Variants in CCDC171 observed in about 807,000 individuals in gnomAD.
The protein encoded by CCDC171 is coiled-coil domain-containing protein 171.
A neutral mutation model predicts 168.2 loss-of-function variants in CCDC171; 177 were observed. That is an observed-to-expected ratio of 1.05 (90% CI 0.93 to 1.19). The LOEUF (loss-of-function observed/expected upper bound fraction) is 1.19, where lower values mean the gene tolerates loss of function less well. Ranked by LOEUF, CCDC171 falls within the 50% of genes most tolerant of loss-of-function variation. The pLI is 0.00. For synonymous variants in CCDC171, 687 were observed against 540.8 expected (o/e 1.27, Z -3.75); for missense variants, 1,991 against 1,539.0 (o/e 1.29, Z -4.91).
At chr9:15,667,513 G>A (rs998663498) in intron 9 of CCDC171, among the ~76,000 whole-genome samples, 2 of 152,102 alleles carry the variant, frequency 1.3e-5, no homozygotes, top group African/African-American at 4.8e-5. Flanking sequence ...AGGTGTGGTG[G>A]CGGGCACCTG....
rs140500367 is a variant in CCDC171 at position 15,571,639 on chromosome 9, A to T, written c.57A>T (p.Ser19=). The change falls in exon 3 of 26, where the codon TCA becomes TCT. Residue 19 remains serine (S), a synonymous_variant. Transcript: ENST00000380701. ...TGDTQRLKIA[S]LDVKQILKNE... ...CATTTTAAAGGTTGAAGATTGCCTCATTGGATGTAAAACAAATACTTAAAA... is the reference window on the plus strand; with the variant it reads ...CATTTTAAAGGTTGAAGATTGCCTCTTTGGATGTAAAACAAATACTTAAAA... 1 of 1,560,606 alleles carries T rather than the reference A, an allele frequency of 6.4e-7. No homozygotes were observed. The highest frequency in any genetic ancestry group is 1.4e-5 in the African/African-American group (1 of 71,318).
At chr9:16,079,185 A>G in the CCDC171 span, among the ~76,000 whole-genome samples, 1 of 152,222 alleles carries the variant, frequency 6.6e-6, no homozygotes, top group Admixed American at 6.5e-5. Context: ...TTGTAGGACT[A>G]CAACCAGCAA....
chr9:15,678,669 T>C (rs987353513), intron 9 of CCDC171, 89 bp from the exon 10 acceptor site: 19 of 1,035,066 alleles, frequency 1.8e-5, no homozygotes, highest in Non-Finnish European at 2.5e-5. Context: ...ACATGATATG[T>C]AGTACATCTG....
At chr9:15,563,097 G>A (rs2039446262) in intron 1 of CCDC171, among the ~76,000 whole-genome samples, 1 of 150,808 alleles carries the variant, frequency 6.6e-6, no homozygotes, top group African/African-American at 2.4e-5. Context: ...GTTATGAATT[G>A]GAATCTTGGT....
At chr9:15,678,985 G>C in intron 10 of CCDC171, 89 bp downstream of exon 10, 3 of 991,802 alleles carry the variant, frequency 3.0e-6, no homozygotes, top group South Asian at 1.7e-5. Context: ...CATTCCATGA[G>C]ATAATAGTAT....
At chr9:15,581,331 A>C (rs175762) in intron 4 of CCDC171, among the ~76,000 whole-genome samples, 2 of 152,140 alleles carry the variant, frequency 1.3e-5, no homozygotes, top group Non-Finnish European at 2.9e-5. Flanking sequence ...GGAAGAATCA[A>C]TATTGTGAAA....
intron 4 of CCDC171, among the ~76,000 whole-genome samples, chr9:15,586,701 C>A (rs1210297934): frequency 6.6e-6 from 1 of 152,070 alleles, no homozygotes; most frequent in African/African-American, 2.4e-5. Flanking sequence ...AGGTTTAATC[C>A]CTGGAGATGG....
chr9:16,079,250 G>A, the CCDC171 span, among the ~76,000 whole-genome samples: 1 of 152,210 alleles, frequency 6.6e-6, no homozygotes, highest in African/African-American at 2.4e-5. Context: ...GTGGCCTGGT[G>A]TTACGGTTTG....
chr9:15,697,449 T>C (rs1471609563), intron 11 of CCDC171, among the ~76,000 whole-genome samples: 1 of 152,218 alleles, frequency 6.6e-6, no homozygotes, highest in Admixed American at 6.5e-5. Context: ...TTAATTTACA[T>C]CCTGATTGAT....
intron 21 of CCDC171, among the ~76,000 whole-genome samples, chr9:15,815,126 A>G (rs1057296479): frequency 2.0e-5 from 3 of 151,998 alleles, no homozygotes; most frequent in African/African-American, 7.2e-5. Context: ...CCTTTTCATC[A>G]TTGTTTTGTG....
intron 6 of CCDC171, among the ~76,000 whole-genome samples, chr9:16,033,252 C>T (rs1833396292): frequency 6.6e-6 from 1 of 152,190 alleles, no homozygotes. Context: ...AACCCCTGGG[C>T]CATAAACTGG....
At chr9:15,891,026 A>T (rs995819480) in intron 24 of CCDC171, among the ~76,000 whole-genome samples, 2 of 152,130 alleles carry the variant, frequency 1.3e-5, no homozygotes, top group Non-Finnish European at 2.9e-5. Flanking sequence ...AGGTATATTG[A>T]AAATTGTTCA....
intron 1 of CCDC171, among the ~76,000 whole-genome samples, chr9:15,558,074 C>T (rs1293798041): frequency 6.6e-6 from 1 of 152,152 alleles, no homozygotes; most frequent in East Asian, 1.9e-4. Context: ...AGCCTTCCAT[C>T]CCAGGGATGA....
At chr9:15,784,261 T>A (rs1017302307) in intron 20 of CCDC171, among the ~76,000 whole-genome samples, 2 of 152,214 alleles carry the variant, frequency 1.3e-5, no homozygotes, top group Admixed American at 6.5e-5. Flanking sequence ...TGGATTCATA[T>A]GGAATTTAAA....
At chr9:15,823,702 T>A (rs2059894645) in intron 21 of CCDC171, among the ~76,000 whole-genome samples, 1 of 152,130 alleles carries the variant, frequency 6.6e-6, no homozygotes, top group Non-Finnish European at 1.5e-5. Flanking sequence ...CTTTGGGCCC[T>A]TCACAGTTTT....
chr9:15,844,115 T>G (rs1391064792), intron 21 of CCDC171, among the ~76,000 whole-genome samples: 1 of 152,102 alleles, frequency 6.6e-6, no homozygotes, highest in South Asian at 2.1e-4. Flanking sequence ...GTTGAGAAAT[T>G]AGTGGCTAAC....
intron 23 of CCDC171, among the ~76,000 whole-genome samples, chr9:15,873,733 T>G (rs1041761141): frequency 7.2e-5 from 11 of 152,096 alleles, no homozygotes; most frequent in African/African-American, 2.7e-4. Flanking sequence ...CCATTTATAT[T>G]ATATAAGGAA....
chr9:15,622,291 A>G (rs1415899087), intron 6 of CCDC171, among the ~76,000 whole-genome samples: 1 of 152,222 alleles, frequency 6.6e-6, no homozygotes, highest in African/African-American at 2.4e-5. Flanking sequence ...AAAGTTAAAA[A>G]AATAGAAATA....
chr9:16,059,297 C>T (rs918837537), intron 1 of CCDC171, among the ~76,000 whole-genome samples: 2 of 152,174 alleles, frequency 1.3e-5, no homozygotes, highest in African/African-American at 4.8e-5. Context: ...TGTCCAAGGT[C>T]ACAGAAGTTG....
Sources: gnomAD v4.1 joint callset for allele counts (sites outside exome capture counted in the v4.1 genomes callset) on GRCh38, gnomAD v4.1.1 for gene constraint, MANE v1.5 for transcripts, NCBI Gene and HGNC (gene_info 2026-07-23, HGNC 2026-07-21) for gene names.